RYR2: variants seen among roughly 807,000 people sequenced by gnomAD.
The protein encoded by RYR2 is ryanodine receptor 2.
RYR2 carries 227 observed loss-of-function variants against 601.1 expected under a neutral mutation model. The observed-to-expected ratio is 0.38, with a 90% CI of 0.34 to 0.42. RYR2 has a LOEUF of 0.42. Among genes scored for constraint, RYR2 ranks in the 10% least tolerant of loss-of-function variants. RYR2 has a pLI of 1.00. For synonymous variants in RYR2, 2,223 were observed against 2,175.1 expected, an observed-to-expected ratio of 1.02 and a Z score of -0.61; for missense variants, 4,646 against 6,156.5, an observed-to-expected ratio of 0.75 and a Z score of 8.21.
chr1:237,551,157 ATAAC>A (rs1227277320), intron 27 of RYR2, among the ~76,000 whole-genome samples: 6 of 152,230 alleles, frequency 3.9e-5, no homozygotes, highest in Admixed American at 1.3e-4. Flanking sequence ...TAGATACTCA[ATAAC>A]TAACTATGTG....
At chr1:237,667,077 C>G (rs900262195) in intron 57 of RYR2, among the ~76,000 whole-genome samples, 2 of 152,040 alleles carry the variant, frequency 1.3e-5, no homozygotes, top group African/African-American at 4.8e-5. Context: ...TAAGTTTTTC[C>G]AGAGACATTG....
chr1:237,442,808 G>A (rs1297983015), intron 13 of RYR2, among the ~76,000 whole-genome samples: 1 of 152,106 alleles, frequency 6.6e-6, no homozygotes, highest in Non-Finnish European at 1.5e-5. Context: ...CTAGGTATAA[G>A]GCTGTGCTGT....
chr1:237,666,699 C>T, intron 57 of RYR2, 110 bp downstream of exon 57: 1 of 821,852 alleles, frequency 1.2e-6, no homozygotes. Context: ...ATGTGGCGAT[C>T]TATAATGGAT....
intron 1 of RYR2, among the ~76,000 whole-genome samples, chr1:237,147,918 C>T (rs1217804256): frequency 1.3e-5 from 2 of 152,202 alleles, no homozygotes; most frequent in Admixed American, 1.3e-4. Flanking sequence ...ATTAAACAGA[C>T]CTCCACTAGT....
intron 6 of RYR2, among the ~76,000 whole-genome samples, chr1:237,372,170 T>C (rs556807525): frequency 2.6e-5 from 4 of 152,218 alleles, no homozygotes; most frequent in South Asian, 2.1e-4. Context: ...AATTCAAAAG[T>C]ATAGGATGAG....
Position 237,364,510 on chromosome 1 carries a change from A to G in RYR2, c.309+138A>G, listed in dbSNP as rs147298920. The G allele has an allele frequency of 4.0e-3, 1,542 of 384,688 alleles. 22 individuals are homozygous for G. Among genetic ancestry groups the G allele is most frequent in the African/African-American group, 0.029 (1,394 of 47,694 alleles). The allele number at this position is 384,688 out of a possible 1,614,324, so 23.8% of individuals were successfully genotyped here. On this transcript the variant is annotated intron_variant, in intron 5 of 104. Transcript: ENST00000366574. Reference sequence around the variant, plus strand: ...ATATATATATTACTATATATCAGCTATATATATGTGGTACTTTGTATGTTT... The same window carrying G: ...ATATATATATTACTATATATCAGCTGTATATATGTGGTACTTTGTATGTTT...
At chr1:237,512,208 C>T (rs973743506) in intron 24 of RYR2, among the ~76,000 whole-genome samples, 6 of 152,144 alleles carry the variant, frequency 3.9e-5, no homozygotes, top group Non-Finnish European at 8.8e-5. Context: ...AGCAATTTTA[C>T]ATATATTGAA....
At chr1:237,703,086 G>T (rs924222556) in intron 66 of RYR2, among the ~76,000 whole-genome samples, 8 of 151,826 alleles carry the variant, frequency 5.3e-5, no homozygotes, top group African/African-American at 1.9e-4. Flanking sequence ...CCAGATCTAT[G>T]TTCATAGATT....
chr1:237,214,505 C>T (rs936832221), intron 1 of RYR2, among the ~76,000 whole-genome samples: 3 of 152,122 alleles, frequency 2.0e-5, no homozygotes, highest in Non-Finnish European at 2.9e-5. Flanking sequence ...GGCTCTTTAA[C>T]AGTCAGCTCT....
chr1:237,506,531 C>A, intron 22 of RYR2, among the ~76,000 whole-genome samples, 179 bp from the exon 23 acceptor site: 1 of 148,206 alleles, frequency 6.7e-6, no homozygotes, highest in East Asian at 2.0e-4. Flanking sequence ...GAGTGAGACT[C>A]CGTCTCAAGG....
intron 11 of RYR2, among the ~76,000 whole-genome samples, chr1:237,421,248 ATAATAG>A (rs758386062): frequency 1.2e-3 from 184 of 152,306 alleles, no homozygotes; most frequent in African/African-American, 3.8e-3. Context: ...CAAAATAAAA[ATAATAG>A]TAATAATAAT....
chr1:237,288,720 T>C (rs1691855399), intron 2 of RYR2, among the ~76,000 whole-genome samples: 1 of 151,994 alleles, frequency 6.6e-6, no homozygotes, highest in African/African-American at 2.4e-5. Context: ...GTTTGAACAC[T>C]TACCCCAGGG....
chr1:237,751,192 G>A (rs995892613), intron 80 of RYR2, among the ~76,000 whole-genome samples: 1 of 152,008 alleles, frequency 6.6e-6, no homozygotes, highest in African/African-American at 2.4e-5. Context: ...TCTCTCTTTT[G>A]TCAGGCTATG....
intron 26 of RYR2, 78 bp from the exon 27 acceptor site, chr1:237,550,466 T>C (rs1425968611): frequency 5.3e-6 from 8 of 1,501,258 alleles, no homozygotes; most frequent in Non-Finnish European, 7.2e-6. Flanking sequence ...GAATTTAAAG[T>C]TTGATGTATT....
At chr1:237,318,757 A>G (rs1367003045) in intron 2 of RYR2, among the ~76,000 whole-genome samples, 1 of 152,048 alleles carries the variant, frequency 6.6e-6, no homozygotes, top group Non-Finnish European at 1.5e-5. Context: ...TGTCATGCAA[A>G]CAATTTGACT....
intron 48 of RYR2, among the ~76,000 whole-genome samples, chr1:237,647,010 G>A (rs943713565): frequency 1.3e-5 from 2 of 152,188 alleles, no homozygotes; most frequent in Non-Finnish European, 2.9e-5. Context: ...ATATAGAGCA[G>A]GATCGGTGAG....
At chr1:237,621,687 A>G (rs527595498) in intron 38 of RYR2, among the ~76,000 whole-genome samples, 1 of 152,332 alleles carries the variant, frequency 6.6e-6, no homozygotes, top group East Asian at 1.9e-4. Flanking sequence ...TCTTTCTACA[A>G]TGTATACATA....
intron 1 of RYR2, among the ~76,000 whole-genome samples, chr1:237,231,829 A>C (rs769198447): frequency 2.6e-5 from 4 of 152,130 alleles, no homozygotes; most frequent in Non-Finnish European, 5.9e-5. Flanking sequence ...CTTGTTCCAC[A>C]TTGCTTCTTC....
In RYR2 at chr1:237,066,889, G is replaced by A. The variant is rs547994825; in HGVS notation, c.48+24320G>A. Among the ~76,000 whole-genome samples the A allele has an allele frequency of 2.0e-5, 3 of 152,076 alleles. No individual in the cohort carries two copies. The East Asian group carries it at 5.8e-4, about 29-fold the overall frequency. ...CCTGACCTCGCAATCCGCCCGCCTC[G>A]GCCTCCCAAAGTGCTGGGATTACAG... is the stretch of plus-strand genomic sequence containing the variant. On this transcript the variant is annotated intron_variant, in intron 1 of 104. Coordinates refer to ENST00000366574, the MANE Select transcript of RYR2 (RefSeq NM_001035.3).
Sources: gnomAD v4.1 joint callset for allele counts (sites outside exome capture counted in the v4.1 genomes callset) on GRCh38, gnomAD v4.1.1 for gene constraint, MANE v1.5 for transcripts, NCBI Gene and HGNC (gene_info 2026-07-23, HGNC 2026-07-21) for gene names.